Variants in FGD6 observed in about 807,000 individuals in gnomAD.
The protein encoded by FGD6 is FYVE, RhoGEF and PH domain-containing protein 6.
A neutral mutation model predicts 149.4 loss-of-function variants in FGD6; 90 were observed. The ratio of observed to expected loss-of-function variants is 0.60; its 90% CI spans 0.51 to 0.72. FGD6 has a LOEUF of 0.72. Ranked by LOEUF, FGD6 falls within the 30% of genes least tolerant of loss-of-function variation. The pLI is 0.00. For synonymous variants in FGD6, 527 were observed against 584.0 expected (o/e 0.90, Z 1.41); for missense variants, 1,437 against 1,684.8 (o/e 0.85, Z 2.57).
At chr12:95,185,648 G>A (rs1417400811) in intron 2 of FGD6, among the ~76,000 whole-genome samples, 2 of 152,184 alleles carry the variant, frequency 1.3e-5, no homozygotes, top group Non-Finnish European at 2.9e-5. Context: ...GGATCATGAG[G>A]TCAGGAGTTC....
intron 13 of FGD6, 28 bp downstream of exon 13, chr12:95,106,926 A>AC: frequency 6.5e-7 from 1 of 1,542,520 alleles, no homozygotes; most frequent in Non-Finnish European, 8.9e-7. Flanking sequence ...ACAAAACAAA[A>AC]AACAAAACAT....
chr12:95,107,666 C>T (rs1235169619), intron 11 of FGD6, 35 bp from the exon 12 acceptor site: 2 of 1,601,802 alleles, frequency 1.2e-6, no homozygotes, highest in Admixed American at 3.3e-5. Context: ...TTTAGTCCTA[C>T]CATCACAACA....
chr12:95,180,600 G>C (rs1018313468), intron 2 of FGD6, among the ~76,000 whole-genome samples: 3 of 151,942 alleles, frequency 2.0e-5, no homozygotes, highest in African/African-American at 7.3e-5. Flanking sequence ...GTTTTGCCAT[G>C]TTGCCAAGGA....
At chr12:95,208,241 G>C (rs2056702718) in intron 2 of FGD6, among the ~76,000 whole-genome samples, 1 of 151,826 alleles carries the variant, frequency 6.6e-6, no homozygotes, top group Non-Finnish European at 1.5e-5. Flanking sequence ...GACAGAGTAA[G>C]ACCTCATCTC....
chr12:95,092,168 C>T (rs138829118), intron 16 of FGD6, among the ~76,000 whole-genome samples: 1 of 152,168 alleles, frequency 6.6e-6, no homozygotes, highest in Non-Finnish European at 1.5e-5. Flanking sequence ...GCTGCAGCAA[C>T]GACCACGTCT....
At chr12:95,095,547 TACAC>T (rs2136235230) in intron 14 of FGD6, among the ~76,000 whole-genome samples, 1 of 151,784 alleles carries the variant, frequency 6.6e-6, no homozygotes, top group Non-Finnish European at 1.5e-5. Context: ...AATCTATACA[TACAC>T]AGTACAGAAA....
At chr12:95,163,118 G>A (rs1236092211) in intron 3 of FGD6, among the ~76,000 whole-genome samples, 1 of 152,130 alleles carries the variant, frequency 6.6e-6, no homozygotes, top group Admixed American at 6.6e-5. Context: ...TTCGCCAAGG[G>A]TATTAGGCAT....
chr12:95,178,964 CA>C (rs368420503), intron 2 of FGD6, among the ~76,000 whole-genome samples: 2 of 149,732 alleles, frequency 1.3e-5, no homozygotes, highest in African/African-American at 2.4e-5. Context: ...TCTATGGCTT[CA>C]AAAAAAAAGA....
At chr12:95,121,283 T>C (rs1010362900) in intron 8 of FGD6, among the ~76,000 whole-genome samples, 3 of 151,158 alleles carry the variant, frequency 2.0e-5, no homozygotes, top group Non-Finnish European at 4.4e-5. Context: ...CTACTGAAAA[T>C]ACAAAAAATT....
intron 2 of FGD6, among the ~76,000 whole-genome samples, chr12:95,195,524 T>C (rs1045125008): frequency 6.6e-6 from 1 of 151,780 alleles, no homozygotes; most frequent in African/African-American, 2.4e-5. Flanking sequence ...TATACTTATA[T>C]GCCCTTTGAT....
intron 3 of FGD6, among the ~76,000 whole-genome samples, chr12:95,159,115 A>G (rs1454962194): frequency 6.6e-6 from 1 of 152,130 alleles, no homozygotes; most frequent in Non-Finnish European, 1.5e-5. Flanking sequence ...AAAAATTTCA[A>G]GTAGCTGTTA....
chr12:95,156,282 T>C (rs1880467080), intron 3 of FGD6, among the ~76,000 whole-genome samples: 1 of 152,204 alleles, frequency 6.6e-6, no homozygotes, highest in Non-Finnish European at 1.5e-5. Flanking sequence ...GAAATATCGC[T>C]GAATTCTTTT....
intron 7 of FGD6, among the ~76,000 whole-genome samples, chr12:95,135,810 A>T (rs1298389808): frequency 1.3e-5 from 2 of 152,256 alleles, no homozygotes; most frequent in Non-Finnish European, 2.9e-5. Flanking sequence ...TCATCCAAGC[A>T]TCATTAACCC....
intron 2 of FGD6, among the ~76,000 whole-genome samples, chr12:95,185,489 T>G (rs1015368563): frequency 5.3e-5 from 8 of 152,178 alleles, no homozygotes; most frequent in African/African-American, 1.7e-4. Context: ...GACCTGCATT[T>G]GAAGGCAGGG....
At position 95,089,763 on chromosome 12, in the gene FGD6, C is replaced by T. The variant is rs796975590; in HGVS notation, c.3851-67G>A. On this transcript the variant is annotated intron_variant, in intron 17 of 20. Transcript: ENST00000343958. ...TTTTGCAATTCAATTTCATTCAAAT[C>T]CATAAACACTGTTGCATAAAATATC... The T allele has an allele frequency of 1.5e-5, 24 of 1,578,632 alleles. 1 individual carries two copies. In the African/African-American group the frequency reaches 3.1e-4, roughly 20 times the overall value.
At position 95,210,912 on chromosome 12, in the gene FGD6, C is replaced by A; in HGVS notation, c.372G>T (p.Glu124Asp). 6.2e-7 allele frequency: 1 copy of A among 1,613,768 alleles called. No homozygotes were observed. Among genetic ancestry groups the A allele is most frequent in the Non-Finnish European group, 8.5e-7 (1 of 1,179,966 alleles). The change falls in exon 2 of 21, where the codon GAG (glutamate) becomes GAT (aspartate). Residue 124 changes from glutamate to aspartate, a missense_variant. Glu to Asp is a conservative substitution (Grantham distance 45). Coordinates refer to ENST00000343958, the MANE Select transcript of FGD6 (RefSeq NM_018351.4). ...SECIHKLGHR[E>D]NLCVKQLVLE... ...AAACAAGCTGCTTTACACACAAATTCTCTCTATGGCCCAGCTTATGGATAC... is the reference window on the plus strand; with the variant it reads ...AAACAAGCTGCTTTACACACAAATTATCTCTATGGCCCAGCTTATGGATAC...
At chr12:95,127,122 T>C (rs1470405409) in intron 8 of FGD6, among the ~76,000 whole-genome samples, 11 of 151,798 alleles carry the variant, frequency 7.2e-5, no homozygotes, top group African/African-American at 2.2e-4. Flanking sequence ...AGCCCTACTT[T>C]TTTTTTTTTT....
intron 3 of FGD6, among the ~76,000 whole-genome samples, chr12:95,166,707 AAAAT>A (rs1347076880): frequency 1.3e-5 from 2 of 152,086 alleles, no homozygotes; most frequent in East Asian, 1.9e-4. Flanking sequence ...CATCTCAAAA[AAAAT>A]AAATAAATAA....
At chr12:95,102,028 A>G (rs1041269346) in intron 14 of FGD6, among the ~76,000 whole-genome samples, 1 of 150,148 alleles carries the variant, frequency 6.7e-6, no homozygotes, top group Admixed American at 6.7e-5. Context: ...TCAAAAACGA[A>G]AAAAGGGCTG....
Sources: gnomAD v4.1 joint callset for allele counts (sites outside exome capture counted in the v4.1 genomes callset) on GRCh38, gnomAD v4.1.1 for gene constraint, MANE v1.5 for transcripts, NCBI Gene and HGNC (gene_info 2026-07-23, HGNC 2026-07-21) for gene names.